DPP6: variants seen among roughly 807,000 people sequenced by gnomAD.
DPP6 encodes A-type potassium channel modulatory protein DPP6.
DPP6 carries 69 observed loss-of-function variants against 122.6 expected under a neutral mutation model. The observed-to-expected ratio is 0.56, with a 90% CI of 0.46 to 0.69. The LOEUF (loss-of-function observed/expected upper bound fraction) is 0.69, where lower values mean the gene tolerates loss of function less well. DPP6 is among the 30% of genes least tolerant of loss of function. The probability of loss-of-function intolerance (pLI) is 0.00; values close to 1 mark genes in which losing one functional copy is unlikely to be tolerated. For synonymous variants in DPP6, 418 were observed against 433.1 expected (o/e 0.97, Z 0.43); for missense variants, 928 against 1,116.9 (o/e 0.83, Z 2.41).
At chr7:154,809,229 G>A (rs747121959) in intron 16 of DPP6, among the ~76,000 whole-genome samples, 2 of 151,988 alleles carry the variant, frequency 1.3e-5, no homozygotes, top group Non-Finnish European at 2.9e-5. Flanking sequence ...TCAATTTGTG[G>A]AGCAAATACA....
chr7:154,410,921 A>T (rs1313377306), intron 1 of DPP6, among the ~76,000 whole-genome samples: 1 of 152,216 alleles, frequency 6.6e-6, no homozygotes, highest in Non-Finnish European at 1.5e-5. Flanking sequence ...TTCCCTGAAA[A>T]ATACATGAAT....
chr7:154,036,191 A>T (rs1208685270), intron 1 of DPP6, among the ~76,000 whole-genome samples: 1 of 150,064 alleles, frequency 6.7e-6, no homozygotes, highest in Non-Finnish European at 1.5e-5. Context: ...GTGTACTGCA[A>T]CCTCCGCCTC....
chr7:154,034,524 C>T (rs1585207911), intron 1 of DPP6, among the ~76,000 whole-genome samples: 1 of 152,122 alleles, frequency 6.6e-6, no homozygotes, highest in South Asian at 2.1e-4. Context: ...CCTGTCTTTT[C>T]CTTCCTTTGT....
chr7:154,452,644 T>G (rs370931709), intron 2 of DPP6, among the ~76,000 whole-genome samples: 1 of 152,368 alleles, frequency 6.6e-6, no homozygotes, highest in East Asian at 1.9e-4. Context: ...TGAACTCACT[T>G]GATTCAGTCG....
chr7:154,841,980 T>G (rs1425232216), intron 16 of DPP6, among the ~76,000 whole-genome samples: 2 of 152,146 alleles, frequency 1.3e-5, no homozygotes, highest in African/African-American at 2.4e-5. Context: ...GGAAATGCTG[T>G]CCTCGGAACA....
chr7:154,211,288 T>A (rs1045265614), intron 1 of DPP6, among the ~76,000 whole-genome samples: 1 of 152,050 alleles, frequency 6.6e-6, no homozygotes, highest in African/African-American at 2.4e-5. Flanking sequence ...CATAGGTACA[T>A]GACAGGAGGG....
intron 5 of DPP6, among the ~76,000 whole-genome samples, chr7:154,589,471 C>T (rs1053081595): frequency 6.6e-6 from 1 of 152,174 alleles, no homozygotes; most frequent in African/African-American, 2.4e-5. Flanking sequence ...TAAAACTTCC[C>T]ATCTGCTGAA....
At chr7:153,865,889 G>A in the DPP6 span, among the ~76,000 whole-genome samples, 1 of 146,424 alleles carries the variant, frequency 6.8e-6, no homozygotes, top group South Asian at 2.1e-4. Context: ...ACCTATGAGT[G>A]AGAACATGTG....
At chr7:154,662,310 T>C (rs1459744888) in intron 6 of DPP6, among the ~76,000 whole-genome samples, 2 of 151,842 alleles carry the variant, frequency 1.3e-5, no homozygotes, top group African/African-American at 2.4e-5. Flanking sequence ...GTTCATATAG[T>C]CATGGTGAAT....
chr7:154,131,585 A>G (rs1441694470), intron 1 of DPP6, among the ~76,000 whole-genome samples: 1 of 152,288 alleles, frequency 6.6e-6, no homozygotes, highest in Admixed American at 6.5e-5. Context: ...AGTTATCAAA[A>G]TCCTGTTTGG....
intron 1 of DPP6, among the ~76,000 whole-genome samples, chr7:154,201,748 G>T (rs1267368253): frequency 3.9e-5 from 6 of 152,152 alleles, no homozygotes; most frequent in Admixed American, 3.9e-4. Flanking sequence ...GTGTGTCATG[G>T]TTCTATTGAA....
At chr7:154,480,368 G>T (rs554786948) in intron 3 of DPP6, among the ~76,000 whole-genome samples, 1 of 152,070 alleles carries the variant, frequency 6.6e-6, no homozygotes, top group Non-Finnish European at 1.5e-5. Flanking sequence ...AGCACTCTCC[G>T]AAACTCCTCT....
In DPP6 at chr7:154,892,532, C is replaced by G. The variant is rs374885890; in HGVS notation, c.*52C>G. On this transcript the variant is annotated 3_prime_UTR_variant, in exon 26 of 26. Transcript: ENST00000377770. The stretch of plus-strand genomic sequence containing the variant: ...GGCTCTTTCTACAACCAGATGCAAC[C>G]GAGGGATTTCCCTGCCCTCCCTCTT... 9 of 1,537,822 alleles carry G rather than the reference C, an allele frequency of 5.9e-6. No homozygotes were observed. Among genetic ancestry groups the G allele is most frequent in the South Asian group, 1.1e-5 (1 of 89,220 alleles).
chr7:153,879,303 G>A, the DPP6 span, among the ~76,000 whole-genome samples: 3 of 152,164 alleles, frequency 2.0e-5, no homozygotes, highest in African/African-American at 7.2e-5. Context: ...GTGGATGCTG[G>A]GGGTAGAGGG....
chr7:154,733,964 A>G (rs1304599870), intron 8 of DPP6, among the ~76,000 whole-genome samples: 1 of 152,340 alleles, frequency 6.6e-6, no homozygotes, highest in African/African-American at 2.4e-5. Context: ...GCTGATACCC[A>G]GTGTGCTGAG....
intron 1 of DPP6, among the ~76,000 whole-genome samples, chr7:154,411,544 A>T (rs1816599395): frequency 6.6e-6 from 1 of 152,134 alleles, no homozygotes; most frequent in African/African-American, 2.4e-5. Flanking sequence ...CTTGGCCTCA[A>T]TTTTTATCTC....
intron 4 of DPP6, among the ~76,000 whole-genome samples, chr7:154,565,839 T>A (rs1830713532): frequency 6.6e-6 from 1 of 152,190 alleles, no homozygotes; most frequent in African/African-American, 2.4e-5. Flanking sequence ...TGATGTCATT[T>A]CTAACCTTTG....
At chr7:154,349,032 C>T (rs1407798104) in intron 1 of DPP6, among the ~76,000 whole-genome samples, 1 of 152,182 alleles carries the variant, frequency 6.6e-6, no homozygotes, top group African/African-American at 2.4e-5. Flanking sequence ...ATACACCTTC[C>T]AACTGGGCAG....
intron 1 of DPP6, among the ~76,000 whole-genome samples, chr7:154,431,505 TCTTTCTTTTATTA>T (rs1818407364): frequency 2.7e-5 from 2 of 75,314 alleles, no homozygotes; most frequent in Admixed American, 1.6e-4. Context: ...TCTTTTCTTT[TCTTTCTTTTATTA>T]TTTCTTTCTT....
Sources: gnomAD v4.1 joint callset for allele counts (sites outside exome capture counted in the v4.1 genomes callset) on GRCh38, gnomAD v4.1.1 for gene constraint, MANE v1.5 for transcripts, NCBI Gene and HGNC (gene_info 2026-07-23, HGNC 2026-07-21) for gene names.